The following KCNJ3 variants were observed in gnomAD, a reference collection of about 807,000 sequenced individuals.
KCNJ3 encodes G protein-activated inward rectifier potassium channel 1.
In KCNJ3, 4 loss-of-function variants were observed where a neutral mutation model predicts 39.2. That is an observed-to-expected ratio of 0.10 (90% CI 0.05 to 0.23). The LOEUF (loss-of-function observed/expected upper bound fraction) is 0.23. KCNJ3 is among the 10% of genes least tolerant of loss of function. The pLI is 1.00. For synonymous variants in KCNJ3, 230 were observed against 237.4 expected, an observed-to-expected ratio of 0.97 and a Z score of 0.29; for missense variants, 276 against 634.9, an observed-to-expected ratio of 0.43 and a Z score of 6.08.
chr2:154,702,849 G>C (rs540498875), intron 1 of KCNJ3, among the ~76,000 whole-genome samples: 4 of 151,648 alleles, frequency 2.6e-5, no homozygotes, highest in Admixed American at 6.6e-5. Context: ...ATTTTTACTT[G>C]AATTTTCCAT....
intron 2 of KCNJ3, among the ~76,000 whole-genome samples, chr2:154,840,774 A>ATTGAT (rs1160210578): frequency 2.0e-5 from 3 of 152,182 alleles, no homozygotes; most frequent in Non-Finnish European, 1.5e-5. Flanking sequence ...ATTTTTGCAC[A>ATTGAT]TTGATTTTTG....
chr2:154,825,201 T>A (rs1444096096), intron 2 of KCNJ3, among the ~76,000 whole-genome samples: 1 of 152,144 alleles, frequency 6.6e-6, no homozygotes, highest in African/African-American at 2.4e-5. Flanking sequence ...TCCTTCTGTG[T>A]TTTTCCTACC....
chr2:154,852,863 A>T (rs1687779210), intron 2 of KCNJ3, among the ~76,000 whole-genome samples: 2 of 152,132 alleles, frequency 1.3e-5, no homozygotes, highest in Non-Finnish European at 2.9e-5. Context: ...ATTGATTATA[A>T]ACACGGATAT....
chr2:154,742,738 G>C (rs1399928307), intron 2 of KCNJ3, among the ~76,000 whole-genome samples: 1 of 151,668 alleles, frequency 6.6e-6, no homozygotes, highest in Admixed American at 6.6e-5. Flanking sequence ...TTTAATAGTT[G>C]AGTTTTAGGA....
intron 2 of KCNJ3, among the ~76,000 whole-genome samples, chr2:154,837,781 G>A (rs561758930): frequency 1.7e-4 from 26 of 152,278 alleles, no homozygotes; most frequent in Admixed American, 8.5e-4. Context: ...ATGTTGACTG[G>A]TGATGCCTTT....
At chr2:154,739,482 CTCCTGTCATTT>C (rs1685606547) in intron 2 of KCNJ3, among the ~76,000 whole-genome samples, 1 of 152,042 alleles carries the variant, frequency 6.6e-6, no homozygotes, top group Non-Finnish European at 1.5e-5. Flanking sequence ...TCTCGTCTTT[CTCCTGTCATTT>C]GCCTTCCTTA....
chr2:154,843,334 G>A (rs1687610028), intron 2 of KCNJ3, among the ~76,000 whole-genome samples: 1 of 152,058 alleles, frequency 6.6e-6, no homozygotes, highest in African/African-American at 2.4e-5. Context: ...TTCCCTTTGT[G>A]GGTAACTCAA....
At chr2:154,837,931 A>T (rs774344948) in intron 2 of KCNJ3, among the ~76,000 whole-genome samples, 1 of 152,232 alleles carries the variant, frequency 6.6e-6, no homozygotes, top group Non-Finnish European at 1.5e-5. Context: ...CTTTATTGTT[A>T]TAGCACCTTG....
chr2:154,699,521 C>G lies in KCNJ3; in HGVS notation c.702+44C>G, dbSNP rs985680729. ...TTCCCCACCGGGAGACCTGCGTCCCCCAAACCCGCGGAGTAACTCGTCTGA... is the reference window on the plus strand; with the variant it reads ...TTCCCCACCGGGAGACCTGCGTCCCGCAAACCCGCGGAGTAACTCGTCTGA... On this transcript the variant is annotated intron_variant, in intron 1 of 2. Transcript: ENST00000295101. This position sits in a 1 kb window ranked among gnomAD's most constrained non-coding sequence, Gnocchi z 6.4. 5.9e-6 allele frequency: 9 copies of G among 1,513,358 alleles called. No homozygotes were observed. Among genetic ancestry groups the G allele is most frequent in the Non-Finnish European group, 7.9e-6 (9 of 1,133,620 alleles). The allele number at this position is 1,513,358 out of a possible 1,614,324, so 93.7% of individuals were successfully genotyped here.
Position 154,857,886 on chromosome 2 carries a change from CAAAAAAA to C in KCNJ3, c.*2608_*2614del, listed in dbSNP as rs70983747. The C allele has an allele frequency of 1.6e-3, 66 of 41,922 alleles. No individual in the cohort carries two copies. The highest frequency in any genetic ancestry group is 9.1e-3 in the African/African-American group (63 of 6,912). The allele number at this position is 41,922 out of a possible 1,614,324, so 2.6% of individuals were successfully genotyped here. ...ACAGTGCGAGACTCCATCTCAACAT[CAAAAAAA>C]AAAAAAAAAAAAAAAAAAAAAAAAA... On this transcript the variant is annotated 3_prime_UTR_variant, in exon 3 of 3. Coordinates refer to ENST00000295101, the MANE Select transcript of KCNJ3 (RefSeq NM_002239.4).
chr2:154,806,460 C>G (rs1444550394), intron 2 of KCNJ3, among the ~76,000 whole-genome samples: 1 of 152,146 alleles, frequency 6.6e-6, no homozygotes, highest in East Asian at 1.9e-4. Context: ...CCCTGTCCAC[C>G]AGGGAGCACA....
rs374418935 is a variant in KCNJ3, at chr2:154,770,989, C to A, written c.919+61170C>A. ...CACTGCAACCTCAGCCTCCCAGGTT[C>A]AAGTGACTCTCCTGCCTCAGCCTCC... On this transcript the variant is annotated intron_variant, in intron 2 of 2. Transcript: ENST00000295101. Among the ~76,000 whole-genome samples, 147 of 148,642 alleles carry A rather than the reference C, an allele frequency of 9.9e-4. 2 individuals carry two copies. The South Asian group carries it at 0.03, about 31-fold the overall frequency.
intron 2 of KCNJ3, among the ~76,000 whole-genome samples, chr2:154,781,841 A>G (rs1686444823): frequency 6.6e-6 from 1 of 152,222 alleles, no homozygotes; most frequent in African/African-American, 2.4e-5. Flanking sequence ...AACAATGCTT[A>G]CCTTACTCTT....
At chr2:154,843,112 G>C (rs1687604316) in intron 2 of KCNJ3, among the ~76,000 whole-genome samples, 1 of 152,146 alleles carries the variant, frequency 6.6e-6, no homozygotes, top group African/African-American at 2.4e-5. Context: ...TCCTTCAGGA[G>C]CTCTTGTAGG....
rs1239359925 is a variant in KCNJ3, at chr2:154,855,302, C to T, written c.1495C>T (p.Arg499Cys). ...CAAATTAAGAAAAATGAACTCTGATCGCTTCACATAACAAAGCACTCCCTT... is the reference window on the plus strand; with the variant it reads ...CAAATTAAGAAAAATGAACTCTGATTGCTTCACATAACAAAGCACTCCCTT... ...PAKLRKMNSD[R>C]FT The change falls in exon 3 of 3, where the codon CGC becomes TGC. Residue 499 changes from arginine (R) to cysteine (C), a missense_variant. This residue lies in a region of KCNJ3 where 126 missense variants were observed against 179.8 expected (regional missense o/e 0.70). Coordinates refer to ENST00000295101, the MANE Select transcript of KCNJ3 (RefSeq NM_002239.4). 1.9e-6 allele frequency: 3 copies of T among 1,599,226 alleles called. No homozygotes were observed. The highest frequency in any genetic ancestry group is 1.4e-5 in the African/African-American group (1 of 73,932).
chr2:154,832,734 A>G (rs889120794), intron 2 of KCNJ3, among the ~76,000 whole-genome samples: 6 of 123,720 alleles, frequency 4.8e-5, no homozygotes, highest in Admixed American at 1.6e-4. Flanking sequence ...GATGCTTTAC[A>G]TTGTGAAGAA....
chr2:154,770,892 C>T (rs990814429), intron 2 of KCNJ3, among the ~76,000 whole-genome samples: 14 of 127,652 alleles, frequency 1.1e-4, no homozygotes, highest in South Asian at 2.5e-4. Context: ...TTTTCTTTTT[C>T]TTTTTTTTTT....
intron 1 of KCNJ3, among the ~76,000 whole-genome samples, chr2:154,703,477 A>G (rs1011710632): frequency 2.2e-5 from 3 of 136,560 alleles, no homozygotes; most frequent in African/African-American, 8.7e-5. Flanking sequence ...TCCTCCATAT[A>G]TATGTGTGTG....
At chr2:154,756,960 A>C (rs1685949008) in intron 2 of KCNJ3, among the ~76,000 whole-genome samples, 2 of 152,100 alleles carry the variant, frequency 1.3e-5, no homozygotes, top group Non-Finnish European at 1.5e-5. Context: ...ATCTTGGAAA[A>C]ATTGAACTCA....
Sources: gnomAD v4.1 joint callset for allele counts (sites outside exome capture counted in the v4.1 genomes callset) on GRCh38, gnomAD v4.1.1 for gene constraint, gnomAD v4.1.1 regional missense constraint, Gnocchi (gnomAD v3.1) non-coding constraint, MANE v1.5 for transcripts, NCBI Gene and HGNC (gene_info 2026-07-23, HGNC 2026-07-21) for gene names.